Variants in ZNF562 observed in about 807,000 individuals in gnomAD.
The protein encoded by ZNF562 is zinc finger protein 562.
A neutral mutation model predicts 17.5 loss-of-function variants in ZNF562; 13 were observed. The observed-to-expected ratio is 0.74, with a 90% CI of 0.48 to 1.18. The LOEUF (loss-of-function observed/expected upper bound fraction) is 1.18, where lower values mean the gene tolerates loss of function less well. Ranked by LOEUF, ZNF562 falls within the 50% of genes most tolerant of loss-of-function variation. The pLI is 0.00. For missense variants in ZNF562, 481 were observed against 498.5 expected, an observed-to-expected ratio of 0.96 and a Z score of 0.33; for synonymous variants, 163 against 165.4, an observed-to-expected ratio of 0.99 and a Z score of 0.11.
chr19:9,642,132 G>C lies in ZNF562; in HGVS notation c.*10817C>G, dbSNP rs902345985. On this transcript the variant is annotated 3_prime_UTR_variant, in exon 6 of 6. Transcript: ENST00000453372. ...CAGGGTACATTCACTAGGTGGGGGA[G>C]GATGTATCTTATAAAGTACATTCAC... The C allele has an allele frequency of 2.6e-5, 4 of 151,864 alleles. No homozygotes were observed. Among genetic ancestry groups the C allele is most frequent in the Admixed American group, 6.6e-5 (1 of 15,238 alleles). The allele number at this position is 151,864 out of a possible 1,614,324, so 9.4% of individuals were successfully genotyped here. A position where few individuals can be genotyped will look rare whatever the true frequency, so the allele number is the denominator to read the frequency against.
chr19:9,671,654 A>T (rs2044201307), intron 1 of ZNF562, among the ~76,000 whole-genome samples: 1 of 152,204 alleles, frequency 6.6e-6, no homozygotes. Context: ...AAGCTTCCTA[A>T]GCACTTGGTC....
At chr19:9,654,031 C>G in intron 5 of ZNF562, 150 bp from the exon 6 acceptor site, 2 of 974,908 alleles carry the variant, frequency 2.1e-6, no homozygotes, top group East Asian at 2.9e-5. Flanking sequence ...TGTTCTATCT[C>G]CCAGTCTACA....
Position 9,652,933 on chromosome 19 carries a change from C to T in ZNF562, c.*16G>A. 1 of 1,468,614 alleles carries T rather than the reference C, an allele frequency of 6.8e-7. No homozygotes were observed. The highest frequency in any genetic ancestry group is 9.0e-7 in the Non-Finnish European group (1 of 1,109,376). 91.0% of individuals were successfully genotyped at this position (1,468,614 alleles called of 1,614,324 possible). A position where few individuals can be genotyped will look rare whatever the true frequency, so the allele number is the denominator to read the frequency against. ...GGGGTGAGGAATACAGAAATTCTTT[C>T]CCACATATCTTGCATTTACCTTTCT... On this transcript the variant is annotated 3_prime_UTR_variant, in exon 6 of 6. Coordinates refer to ENST00000453372, the MANE Select transcript of ZNF562 (RefSeq NM_001130031.2).
chr19:9,672,044 C>A (rs184886402), intron 1 of ZNF562, among the ~76,000 whole-genome samples: 1 of 152,318 alleles, frequency 6.6e-6, no homozygotes. Flanking sequence ...GGAATATTTA[C>A]ACACACCATG....
chr19:9,666,323 CAAA>C (rs112849375), intron 1 of ZNF562, among the ~76,000 whole-genome samples: 4 of 79,630 alleles, frequency 5.0e-5, no homozygotes, highest in Admixed American at 2.7e-4. Context: ...ACCTCCGTCT[CAAA>C]AAAAAAAAAA....
chr19:9,667,525 G>C (rs1423013483), intron 1 of ZNF562, among the ~76,000 whole-genome samples: 1 of 152,078 alleles, frequency 6.6e-6, no homozygotes, highest in Non-Finnish European at 1.5e-5. Flanking sequence ...AGAGCAATTA[G>C]GCAAGAGAAA....
At chr19:9,674,402 A>G (rs1287415216) in intron 1 of ZNF562, among the ~76,000 whole-genome samples, 2 of 152,188 alleles carry the variant, frequency 1.3e-5, no homozygotes, top group African/African-American at 4.8e-5. Flanking sequence ...TTTTTTAAAA[A>G]GAAATTTAAA....
chr19:9,655,608 C>T (rs1289824745), intron 5 of ZNF562, among the ~76,000 whole-genome samples: 1 of 150,538 alleles, frequency 6.6e-6, no homozygotes, highest in African/African-American at 2.4e-5. Context: ...TTAGTAGAGA[C>T]AGAGTTTCAC....
At chr19:9,669,900 G>A (rs1029443009) in intron 1 of ZNF562, among the ~76,000 whole-genome samples, 1 of 151,762 alleles carries the variant, frequency 6.6e-6, no homozygotes, top group Non-Finnish European at 1.5e-5. Context: ...TGTCTCTACT[G>A]AAAATACAAA....
Position 9,658,118 on chromosome 19 carries a change from A to C in ZNF562, c.132T>G (p.Asp44Glu), listed in dbSNP as rs1339374631. 1 of 1,613,576 alleles carries C rather than the reference A, an allele frequency of 6.2e-7. No homozygotes were observed. Among genetic ancestry groups the C allele is most frequent in the Non-Finnish European group, 8.5e-7 (1 of 1,179,746 alleles). ...CTGGGGTGAACTCCACAGCCACATCATCAAACGTCACTGAATCCTAAGTCA... is the reference window on the plus strand; with the variant it reads ...CTGGGGTGAACTCCACAGCCACATCCTCAAACGTCACTGAATCCTAAGTCA... Reference protein sequence around the residue: ...SNSYQDSVTFDDVAVEFTPEE... With the variant: ...SNSYQDSVTFEDVAVEFTPEE... Residue 44 changes from aspartate (D) to glutamate (E), a missense_variant, in exon 4 of 6, where the codon GAT (aspartate) becomes GAG (glutamate). Asp to Glu is a conservative substitution (Grantham distance 45). This residue lies in a region of ZNF562 where 403 missense variants were observed against 386.4 expected (regional missense o/e 1.04). Transcript: ENST00000453372.
At chr19:9,665,628 A>ATAT in intron 1 of ZNF562, among the ~76,000 whole-genome samples, 1 of 152,198 alleles carries the variant, frequency 6.6e-6, no homozygotes. Flanking sequence ...CATTGCTGGA[A>ATAT]TATGCCCTTT....
Position 9,647,085 on chromosome 19 carries a change from C to CTTT in ZNF562, c.*5861_*5863dup, listed in dbSNP as rs59673910. 0.011 allele frequency: 1,388 copies of CTTT among 126,710 alleles called. 16 individuals are homozygous for CTTT. The highest frequency in any genetic ancestry group is 0.04 in the Middle Eastern group (8 of 200). The allele number at this position is 126,710 out of a possible 1,614,324, so 7.8% of individuals were successfully genotyped here. The stretch of plus-strand genomic sequence containing the variant: ...GAAGCACCGTGCCCAACCTAGTTGT[C>CTTT]TTTTTTTTTTTTTTTGAGACGGATT... On this transcript the variant is annotated 3_prime_UTR_variant, in exon 6 of 6. Coordinates refer to ENST00000453372, the MANE Select transcript of ZNF562 (RefSeq NM_001130031.2).
Position 9,656,643 on chromosome 19 carries a change from G to GA in ZNF562, c.251dup (p.Cys85LeufsTer11), listed in dbSNP as rs2043495633. Reference sequence around the variant, plus strand: ...GTATTTCCCATTCTGAAGTTAAGCAGAAAAAGAAATCTAAGGGTTTAGAGA... The same window carrying GA: ...GTATTTCCCATTCTGAAGTTAAGCAGAAAAAAGAAATCTAAGGGTTTAGAGA... On this transcript the variant is annotated frameshift_variant, in exon 5 of 6. Transcript: ENST00000453372. LOFTEE classifies it high-confidence loss of function. 1 of 1,613,474 alleles carries GA rather than the reference G, an allele frequency of 6.2e-7. No individual in the cohort carries two copies. The highest frequency in any genetic ancestry group is 8.5e-7 in the Non-Finnish European group (1 of 1,179,714).
rs2074794255 is a variant in ZNF562 at position 9,644,584 on chromosome 19, G to A, written c.*8365C>T. 1 of 152,244 alleles carries A rather than the reference G, an allele frequency of 6.6e-6. No individual in the cohort carries two copies. The allele number at this position is 152,244 out of a possible 1,614,324, so 9.4% of individuals were successfully genotyped here. A position where few individuals can be genotyped will look rare whatever the true frequency, so the allele number is the denominator to read the frequency against. On this transcript the variant is annotated 3_prime_UTR_variant, in exon 6 of 6. Transcript: ENST00000453372. ...GGGAGGCCTCAAAATCATGACAGAAGGTGAAGGAGGAGCAAAGGCACATCT... is the reference window on the plus strand; with the variant it reads ...GGGAGGCCTCAAAATCATGACAGAAAGTGAAGGAGGAGCAAAGGCACATCT...
chr19:9,673,595 G>A (rs1362111680), intron 1 of ZNF562, among the ~76,000 whole-genome samples: 1 of 151,976 alleles, frequency 6.6e-6, no homozygotes, highest in African/African-American at 2.4e-5. Flanking sequence ...AGTGCATCTG[G>A]CCTGGCTTTA....
At chr19:9,673,498 A>G (rs1346208681) in intron 1 of ZNF562, among the ~76,000 whole-genome samples, 1 of 151,968 alleles carries the variant, frequency 6.6e-6, no homozygotes, top group Non-Finnish European at 1.5e-5. Flanking sequence ...GGGTTTTACC[A>G]TGTTGGCTAG....
intron 1 of ZNF562, among the ~76,000 whole-genome samples, chr19:9,667,545 G>T (rs1216532200): frequency 6.6e-6 from 1 of 151,930 alleles, no homozygotes; most frequent in Non-Finnish European, 1.5e-5. Flanking sequence ...ACAAATAAAG[G>T]GCATCTCAAC....
Position 9,653,101 on chromosome 19 carries a change from A to G in ZNF562, c.1129T>C (p.Cys377Arg). The G allele has an allele frequency of 6.2e-7, 1 of 1,610,754 alleles. No individual in the cohort carries two copies. The highest frequency in any genetic ancestry group is 8.5e-7 in the Non-Finnish European group (1 of 1,178,234). ...GAAGATCTATTGAAGGCTTTCCCAC[A>G]TTCCTTACACTGATAGGGTTTCTCT... ...TGEKPYQCKE[C>R]GKAFNRSSTL... Residue 377 changes from cysteine (C) to arginine (R), a missense_variant, in exon 6 of 6, where the codon TGT (cysteine) becomes CGT (arginine). Physicochemically the swap from Cys to Arg is radical, Grantham distance 180. Transcript: ENST00000453372.
rs2074788814 is a variant in ZNF562, at chr19:9,643,811, C to T, written c.*9138G>A. On this transcript the variant is annotated 3_prime_UTR_variant, in exon 6 of 6. Coordinates refer to ENST00000453372, the MANE Select transcript of ZNF562 (RefSeq NM_001130031.2). ...ACTTTGCCCAGTTGCTACTATTATA[C>T]TTAGCGCATTTTTTTGTTTGTTTGT... The T allele has an allele frequency of 6.6e-6, 1 of 151,906 alleles. No individual in the cohort carries two copies. Among genetic ancestry groups the T allele is most frequent in the Non-Finnish European group, 1.5e-5 (1 of 67,998 alleles). 9.4% of individuals were successfully genotyped at this position (151,906 alleles called of 1,614,324 possible).
Sources: allele counts gnomAD v4.1 joint callset (sites outside exome capture counted in the v4.1 genomes callset), GRCh38; gene constraint gnomAD v4.1.1; regional missense constraint gnomAD v4.1.1; transcripts MANE v1.5; gene names NCBI Gene and HGNC (gene_info 2026-07-23, HGNC 2026-07-21).